MAML3: variants seen among roughly 807,000 people sequenced by gnomAD.
MAML3 encodes the protein mastermind like transcriptional coactivator 3.
MAML3 carries 27 observed loss-of-function variants against 101.9 expected under a neutral mutation model. The ratio of observed to expected loss-of-function variants is 0.27; its 90% CI spans 0.20 to 0.37. The LOEUF (loss-of-function observed/expected upper bound fraction) is 0.37, where lower values mean the gene tolerates loss of function less well. Among genes scored for constraint, MAML3 ranks in the 10% least tolerant of loss-of-function variants. The probability of loss-of-function intolerance (pLI) is 1.00; values close to 1 mark genes in which losing one functional copy is unlikely to be tolerated. For synonymous variants in MAML3, 501 were observed against 555.9 expected (o/e 0.90, Z 1.39); for missense variants, 1,316 against 1,444.9 (o/e 0.91, Z 1.45).
At chr4:139,931,590 C>T (rs1733395305) in intron 1 of MAML3, among the ~76,000 whole-genome samples, 1 of 152,196 alleles carries the variant, frequency 6.6e-6, no homozygotes, top group Non-Finnish European at 1.5e-5. Context: ...GGATGGACTG[C>T]ATCCTCTTCA....
intron 1 of MAML3, among the ~76,000 whole-genome samples, chr4:140,147,283 C>T (rs545790055): frequency 6.6e-6 from 1 of 152,000 alleles, no homozygotes; most frequent in Non-Finnish European, 1.5e-5. Context: ...GGACAATGTA[C>T]CAATGCTGCT....
intron 1 of MAML3, among the ~76,000 whole-genome samples, chr4:139,943,681 A>G (rs1733648610): frequency 6.6e-6 from 1 of 152,118 alleles, no homozygotes; most frequent in Non-Finnish European, 1.5e-5. Context: ...CTTGAATTCA[A>G]TGCCTACACT....
intron 1 of MAML3, among the ~76,000 whole-genome samples, chr4:139,997,920 C>T (rs1052334087): frequency 1.3e-5 from 2 of 151,972 alleles, no homozygotes; most frequent in Non-Finnish European, 1.5e-5. Context: ...CTGATGCTCC[C>T]TATATGTGGT....
At chr4:140,132,659 C>T (rs190632238) in intron 1 of MAML3, among the ~76,000 whole-genome samples, 2 of 152,340 alleles carry the variant, frequency 1.3e-5, no homozygotes, top group East Asian at 1.9e-4. Flanking sequence ...CAAATGCCTT[C>T]GTGGTGCCCT....
intron 2 of MAML3, among the ~76,000 whole-genome samples, chr4:139,862,175 C>A (rs1018122556): frequency 6.6e-6 from 1 of 152,154 alleles, no homozygotes; most frequent in African/African-American, 2.4e-5. Flanking sequence ...TGCCATTGCA[C>A]TCCAGCCTGG....
intron 2 of MAML3, among the ~76,000 whole-genome samples, chr4:139,805,526 A>G (rs1007668157): frequency 2.0e-5 from 3 of 152,196 alleles, no homozygotes; most frequent in Non-Finnish European, 4.4e-5. Context: ...CACTTGAGTT[A>G]CCCAAGAATA....
At chr4:140,121,625 T>C (rs1482833876) in intron 1 of MAML3, among the ~76,000 whole-genome samples, 1 of 152,256 alleles carries the variant, frequency 6.6e-6, no homozygotes, top group Admixed American at 6.5e-5. Flanking sequence ...CTTTGTTAAC[T>C]GGCTTTAATC....
intron 1 of MAML3, among the ~76,000 whole-genome samples, chr4:139,914,381 G>A (rs1190799252): frequency 6.6e-6 from 1 of 152,074 alleles, no homozygotes; most frequent in Non-Finnish European, 1.5e-5. Flanking sequence ...TCACAACAGA[G>A]GGAGACAGTT....
At chr4:139,774,845 TG>T (rs1225571475) in intron 2 of MAML3, among the ~76,000 whole-genome samples, 1 of 152,204 alleles carries the variant, frequency 6.6e-6, no homozygotes, top group East Asian at 1.9e-4. Flanking sequence ...GCAAAGTTGG[TG>T]GAAGTTAAGC....
At chr4:139,976,161 C>A (rs1300126714) in intron 1 of MAML3, among the ~76,000 whole-genome samples, 1 of 152,194 alleles carries the variant, frequency 6.6e-6, no homozygotes, top group East Asian at 1.9e-4. Flanking sequence ...GAATGCTGGG[C>A]AAAGCCTCCC....
At chr4:139,973,476 T>C (rs1734265958) in intron 1 of MAML3, among the ~76,000 whole-genome samples, 2 of 152,078 alleles carry the variant, frequency 1.3e-5, no homozygotes, top group African/African-American at 4.8e-5. Context: ...GTCGTAAAGG[T>C]TAAGTGTAGT....
chr4:140,045,374 G>A (rs569271659), intron 1 of MAML3, among the ~76,000 whole-genome samples: 21 of 135,578 alleles, frequency 1.5e-4, no homozygotes, highest in African/African-American at 3.6e-4. Flanking sequence ...CAGCCTGGGC[G>A]ACAGAGCAAG....
chr4:140,145,516 T>TA (rs1455055733), intron 1 of MAML3, among the ~76,000 whole-genome samples: 1 of 152,128 alleles, frequency 6.6e-6, no homozygotes, highest in Non-Finnish European at 1.5e-5. Context: ...TCACTTTCTT[T>TA]ATGTCAGAGG....
intron 4 of MAML3, among the ~76,000 whole-genome samples, chr4:139,721,601 T>C (rs1728237137): frequency 6.6e-6 from 1 of 152,198 alleles, no homozygotes; most frequent in Non-Finnish European, 1.5e-5. Flanking sequence ...GCTGCAAATA[T>C]GTCTCCATAG....
intron 2 of MAML3, among the ~76,000 whole-genome samples, chr4:139,850,485 G>A (rs1463937230): frequency 6.6e-6 from 1 of 152,152 alleles, no homozygotes; most frequent in Non-Finnish European, 1.5e-5. Context: ...CATGAGATAA[G>A]CTAGGTTGTT....
chr4:140,044,382 T>C (rs1232853139), intron 1 of MAML3, among the ~76,000 whole-genome samples: 2 of 152,226 alleles, frequency 1.3e-5, no homozygotes, highest in Non-Finnish European at 2.9e-5. Flanking sequence ...TGTATTATTG[T>C]GGATTGACAA....
intron 1 of MAML3, among the ~76,000 whole-genome samples, chr4:140,031,845 G>A (rs1314705465): frequency 6.6e-6 from 1 of 152,088 alleles, no homozygotes. Flanking sequence ...CCCCAGCTGA[G>A]AGTGATCTCT....
chr4:140,013,968 T>C (rs528231008), intron 1 of MAML3, among the ~76,000 whole-genome samples: 29 of 152,204 alleles, frequency 1.9e-4, no homozygotes, highest in Non-Finnish European at 4.0e-4. Context: ...CTTTCAGCTG[T>C]TCTGAAAGCA....
chr4:140,153,483 G>T lies in MAML3; in HGVS notation c.-156C>A. 2 of 779,670 alleles carry T rather than the reference G, an allele frequency of 2.6e-6. No homozygotes were observed. Among genetic ancestry groups the T allele is most frequent in the South Asian group, 2.4e-5 (1 of 41,220 alleles). 48.3% of individuals were successfully genotyped at this position (779,670 alleles called of 1,614,324 possible). Reference sequence around the variant, plus strand: ...GCGATCCCGACGGGGCGAAAAAAACGGGGGGGGAGATTTTGGGGTGGTTTT... The same window carrying T: ...GCGATCCCGACGGGGCGAAAAAAACTGGGGGGGAGATTTTGGGGTGGTTTT... On this transcript the variant is annotated 5_prime_UTR_variant, in exon 1 of 5. Coordinates refer to ENST00000509479, the MANE Select transcript of MAML3 (RefSeq NM_018717.5).
Sources: allele counts gnomAD v4.1 joint callset (sites outside exome capture counted in the v4.1 genomes callset), GRCh38; gene constraint gnomAD v4.1.1; transcripts MANE v1.5; gene names NCBI Gene and HGNC (gene_info 2026-07-23, HGNC 2026-07-21).